The following SESTD1 variants were observed in gnomAD, a reference collection of about 807,000 sequenced individuals.
SESTD1 encodes SEC14 and spectrin domain containing 1.
SESTD1 carries 43 observed loss-of-function variants against 101.7 expected under a neutral mutation model. The ratio of observed to expected loss-of-function variants is 0.42; its 90% CI spans 0.33 to 0.55. The LOEUF is 0.55. SESTD1 is among the 20% of genes least tolerant of loss of function. The pLI, the probability that SESTD1 is intolerant of heterozygous loss-of-function variation, is 0.07. For synonymous variants in SESTD1, 283 were observed against 286.8 expected (o/e 0.99, Z 0.13); for missense variants, 647 against 815.1 (o/e 0.79, Z 2.51).
At chr2:179,133,989 G>T (rs145694294) in intron 9 of SESTD1, among the ~76,000 whole-genome samples, 1 of 152,138 alleles carries the variant, frequency 6.6e-6, no homozygotes, top group Non-Finnish European at 1.5e-5. Context: ...TATTTTCATA[G>T]CATCTGCATT....
rs372599773 is a variant in SESTD1, at chr2:179,124,483, C to T, written c.1048G>A (p.Val350Met). The change falls in exon 11 of 18, where the codon GTG (valine) becomes ATG (methionine). Residue 350 changes from valine (V) to methionine (M), a missense_variant. Coordinates refer to ENST00000428443, the MANE Select transcript of SESTD1 (RefSeq NM_178123.5). ...LLNAGDEEDL[V>M]ELKSLQQQLS... is the part of the protein sequence containing the mutation. ...TGTTGCTGCAGTGACTTTAGTTCCA[C>T]AAGATCTTCCTCATCGCCAGCATTC... The T allele has an allele frequency of 1.1e-4, 178 of 1,613,992 alleles. No homozygotes were observed. The highest frequency in any genetic ancestry group is 1.5e-4 in the Non-Finnish European group (174 of 1,179,996).
intron 5 of SESTD1, among the ~76,000 whole-genome samples, chr2:179,157,659 C>G (rs1448613278): frequency 6.6e-6 from 1 of 152,034 alleles, no homozygotes; most frequent in East Asian, 1.9e-4. Flanking sequence ...AGAAATAAAT[C>G]CAAACACTTA....
At chr2:179,174,501 G>A (rs1467945396) in intron 4 of SESTD1, 5 of 451,312 alleles carry the variant, frequency 1.1e-5, no homozygotes, top group Non-Finnish European at 2.3e-5. Flanking sequence ...AAGAACACAA[G>A]GTCATAATTA....
intron 1 of SESTD1, among the ~76,000 whole-genome samples, chr2:179,263,552 A>C (rs1259173934): frequency 1.3e-5 from 2 of 152,152 alleles, no homozygotes; most frequent in African/African-American, 2.4e-5. Context: ...GCTTGACACA[A>C]GCAAAACGTG....
intron 5 of SESTD1, among the ~76,000 whole-genome samples, chr2:179,159,490 T>C (rs916486349): frequency 3.3e-5 from 5 of 152,156 alleles, no homozygotes; most frequent in Admixed American, 1.3e-4. Flanking sequence ...GATTTAGGCC[T>C]GAAGTAGAAC....
intron 5 of SESTD1, among the ~76,000 whole-genome samples, chr2:179,165,328 A>G (rs2045816773): frequency 6.6e-6 from 1 of 152,212 alleles, no homozygotes; most frequent in Non-Finnish European, 1.5e-5. Flanking sequence ...CTTCTATTTT[A>G]TCCTCCAAGA....
Position 179,184,494 on chromosome 2 carries a change from C to T in SESTD1, c.56-1306G>A, listed in dbSNP as rs572669569. 2.0e-5 allele frequency among the ~76,000 whole-genome samples: 3 copies of T among 151,902 alleles called. No individual in the cohort carries two copies. In the East Asian group the frequency reaches 5.8e-4, roughly 29 times the overall value. ...CAACAAATTATCATCTAAGGTGATT[C>T]AACTTAGTAATCAATCAATACGACT... is the stretch of plus-strand genomic sequence containing the variant. On this transcript the variant is annotated intron_variant, in intron 2 of 17. Coordinates refer to ENST00000428443, the MANE Select transcript of SESTD1 (RefSeq NM_178123.5).
intron 1 of SESTD1, among the ~76,000 whole-genome samples, chr2:179,227,140 C>T (rs1395199490): frequency 6.6e-6 from 1 of 152,098 alleles, no homozygotes; most frequent in African/African-American, 2.4e-5. Flanking sequence ...TCAGAAATGG[C>T]TTACTTGACT....
At chr2:179,185,854 T>A (rs1166561220) in intron 2 of SESTD1, among the ~76,000 whole-genome samples, 1 of 133,420 alleles carries the variant, frequency 7.5e-6, no homozygotes, top group East Asian at 2.2e-4. Flanking sequence ...GCATGTACAA[T>A]ATAGTATGTT....
chr2:179,259,642 GCTTAATGTT>G (rs2047453414), intron 1 of SESTD1, among the ~76,000 whole-genome samples: 1 of 152,028 alleles, frequency 6.6e-6, no homozygotes, highest in African/African-American at 2.4e-5. Flanking sequence ...CTGACTTAGG[GCTTAATGTT>G]CTTTCCACCT....
At chr2:179,124,252 T>C (rs1228749347) in intron 11 of SESTD1, 112 bp downstream of exon 11, 10 of 1,009,410 alleles carry the variant, frequency 9.9e-6, no homozygotes, top group African/African-American at 8.2e-5. Context: ...CAGTAATTCA[T>C]TTTATTGGTT....
chr2:179,209,839 G>C (rs1326515053), intron 1 of SESTD1, among the ~76,000 whole-genome samples: 1 of 132,298 alleles, frequency 7.6e-6, no homozygotes. Context: ...CCCAAACCCA[G>C]CAGAAGAAAA....
rs1043522341 is a variant in SESTD1 at position 179,219,954 on chromosome 2, T to C, written c.-25-28088A>G. 3.3e-5 allele frequency among the ~76,000 whole-genome samples: 5 copies of C among 152,176 alleles called. No individual in the cohort carries two copies. In the East Asian group the frequency reaches 9.6e-4, roughly 29 times the overall value. ...ACCATATGAATCAAGAACTAGTTTA[T>C]TCAGTAAGAAATGGAGAAAAGGAAA... On this transcript the variant is annotated intron_variant, in intron 1 of 17. Coordinates refer to ENST00000428443, the MANE Select transcript of SESTD1 (RefSeq NM_178123.5).
intron 1 of SESTD1, among the ~76,000 whole-genome samples, chr2:179,257,690 G>A (rs1203192932): frequency 6.6e-6 from 1 of 152,124 alleles, no homozygotes; most frequent in Non-Finnish European, 1.5e-5. Flanking sequence ...CAAAAATGGT[G>A]CCAAGAAAAA....
intron 5 of SESTD1, among the ~76,000 whole-genome samples, chr2:179,156,969 T>A (rs565499933): frequency 2.3e-4 from 35 of 152,332 alleles, no homozygotes; most frequent in South Asian, 4.2e-4. Flanking sequence ...TAGATTTAAG[T>A]CCTTAATCCA....
At chr2:179,248,128 A>T (rs2047260943) in intron 1 of SESTD1, among the ~76,000 whole-genome samples, 1 of 152,014 alleles carries the variant, frequency 6.6e-6, no homozygotes, top group African/African-American at 2.4e-5. Context: ...ATCTCATGGC[A>T]GACTCTGCAG....
intron 1 of SESTD1, among the ~76,000 whole-genome samples, chr2:179,247,076 TTTATAACTACAATAG>T (rs2047243639): frequency 6.6e-6 from 1 of 152,176 alleles, no homozygotes; most frequent in Non-Finnish European, 1.5e-5. Context: ...CCAGGTAATA[TTTATAACTACAATAG>T]TGGTGAAGGC....
At chr2:179,197,180 G>A (rs986779763) in intron 1 of SESTD1, among the ~76,000 whole-genome samples, 6 of 152,022 alleles carry the variant, frequency 3.9e-5, no homozygotes, top group African/African-American at 1.2e-4. Context: ...CTCAGGAGCC[G>A]ATGCAATCAA....
At chr2:179,168,656 G>C (rs1163048744) in intron 5 of SESTD1, among the ~76,000 whole-genome samples, 1 of 152,096 alleles carries the variant, frequency 6.6e-6, no homozygotes, top group Non-Finnish European at 1.5e-5. Flanking sequence ...AAGTACTTTA[G>C]GCAGAAGGAA....
Sources: gnomAD v4.1 joint callset for allele counts (sites outside exome capture counted in the v4.1 genomes callset) on GRCh38, gnomAD v4.1.1 for gene constraint, MANE v1.5 for transcripts, NCBI Gene and HGNC (gene_info 2026-07-23, HGNC 2026-07-21) for gene names.